The following SGCZ variants were observed in gnomAD, a reference collection of about 807,000 sequenced individuals.
SGCZ encodes sarcoglycan zeta.
SGCZ carries 40 observed loss-of-function variants against 41.3 expected under a neutral mutation model. That is an observed-to-expected ratio of 0.97 (90% CI 0.75 to 1.26). The LOEUF is 1.26. Among genes scored for constraint, SGCZ ranks in the 50% most tolerant of loss-of-function variants. SGCZ has a pLI of 0.00. For synonymous variants in SGCZ, 206 were observed against 137.5 expected (o/e 1.50, Z -3.49); for missense variants, 552 against 369.8 (o/e 1.49, Z -4.04).
chr8:15,208,435 T>G (rs1801137915), intron 1 of SGCZ, among the ~76,000 whole-genome samples: 1 of 152,228 alleles, frequency 6.6e-6, no homozygotes, highest in African/African-American at 2.4e-5. Context: ...TAGAGTGTTT[T>G]CCAGAAATGA....
chr8:14,740,679 A>G (rs1799176084), intron 1 of SGCZ, among the ~76,000 whole-genome samples: 1 of 152,024 alleles, frequency 6.6e-6, no homozygotes, highest in African/African-American at 2.4e-5. Context: ...TCGTCCTGGG[A>G]TTGCTGGAGT....
chr8:14,806,533 G>T (rs1199188971), intron 1 of SGCZ, among the ~76,000 whole-genome samples: 3 of 152,098 alleles, frequency 2.0e-5, no homozygotes. Flanking sequence ...TAAACCAGGA[G>T]GAAGTTGAAT....
At chr8:14,409,994 C>A (rs934391804) in intron 2 of SGCZ, among the ~76,000 whole-genome samples, 7 of 152,124 alleles carry the variant, frequency 4.6e-5, no homozygotes, top group African/African-American at 1.7e-4. Context: ...GGACCAGTAA[C>A]CCTCCATGGC....
At chr8:14,895,496 G>C (rs1002482666) in intron 1 of SGCZ, among the ~76,000 whole-genome samples, 1 of 152,022 alleles carries the variant, frequency 6.6e-6, no homozygotes, top group South Asian at 2.1e-4. Context: ...TCAAAGATGA[G>C]ATTAAAGCCT....
chr8:14,223,441 T>C (rs1806270443), intron 4 of SGCZ, among the ~76,000 whole-genome samples: 1 of 152,168 alleles, frequency 6.6e-6, no homozygotes, highest in African/African-American at 2.4e-5. Flanking sequence ...TTTCAATATA[T>C]ATTTTCAATG....
intron 1 of SGCZ, among the ~76,000 whole-genome samples, chr8:14,875,052 C>A (rs367705695): frequency 5.3e-5 from 8 of 152,224 alleles, no homozygotes; most frequent in South Asian, 2.1e-4. Flanking sequence ...ATTGCTATAA[C>A]AAATGGAGAC....
intron 1 of SGCZ, among the ~76,000 whole-genome samples, chr8:14,904,452 G>A (rs1193857387): frequency 6.6e-6 from 1 of 151,920 alleles, no homozygotes; most frequent in Non-Finnish European, 1.5e-5. Flanking sequence ...TAAACTAGAA[G>A]CATAATTTTA....
intron 1 of SGCZ, among the ~76,000 whole-genome samples, chr8:15,109,809 A>G (rs1806976493): frequency 6.6e-6 from 1 of 152,196 alleles, no homozygotes; most frequent in Non-Finnish European, 1.5e-5. Flanking sequence ...TACAGGTGAC[A>G]TTGCAGAAAT....
intron 7 of SGCZ, among the ~76,000 whole-genome samples, chr8:14,096,161 G>A (rs1200927923): frequency 6.6e-6 from 1 of 152,114 alleles, no homozygotes; most frequent in East Asian, 1.9e-4. Flanking sequence ...TGGGAAGAGA[G>A]GGCATCCTTG....
At chr8:14,375,547 A>C (rs1433176767) in intron 2 of SGCZ, among the ~76,000 whole-genome samples, 1 of 152,206 alleles carries the variant, frequency 6.6e-6, no homozygotes, top group Non-Finnish European at 1.5e-5. Context: ...ATTGCAATGT[A>C]ATAATATTTA....
At chr8:14,920,655 T>C (rs1799562651) in intron 1 of SGCZ, among the ~76,000 whole-genome samples, 2 of 152,088 alleles carry the variant, frequency 1.3e-5, no homozygotes, top group Admixed American at 6.6e-5. Flanking sequence ...ATAAACTAAA[T>C]AAGGAAGAAC....
chr8:14,194,710 A>T (rs919509623), intron 4 of SGCZ, among the ~76,000 whole-genome samples: 2 of 152,082 alleles, frequency 1.3e-5, no homozygotes, highest in Non-Finnish European at 2.9e-5. Context: ...GACATTGAAC[A>T]TCAGTAAATG....
chr8:14,512,022 A>G (rs1253395574), intron 2 of SGCZ, among the ~76,000 whole-genome samples: 1 of 152,212 alleles, frequency 6.6e-6, no homozygotes. Flanking sequence ...ACATAGGGCA[A>G]CATTCTTGGA....
At position 14,612,620 on chromosome 8, in the gene SGCZ, A is replaced by C. The variant is rs1344099667; in HGVS notation, c.40-57694T>G. Among the ~76,000 whole-genome samples the C allele has an allele frequency of 2.6e-5, 4 of 152,166 alleles. No individual in the cohort carries two copies. In the East Asian group the frequency reaches 7.7e-4, roughly 29 times the overall value. Reference sequence around the variant, plus strand: ...GAATTGAAAGAATTCAGATATTTTTATGAGGACAGGTTTCTGCTTCAAAGA... The same window carrying C: ...GAATTGAAAGAATTCAGATATTTTTCTGAGGACAGGTTTCTGCTTCAAAGA... On this transcript the variant is annotated intron_variant, in intron 1 of 7. Coordinates refer to ENST00000382080, the MANE Select transcript of SGCZ (RefSeq NM_139167.4).
At chr8:14,576,702 C>T (rs1186238448) in intron 1 of SGCZ, among the ~76,000 whole-genome samples, 1 of 152,142 alleles carries the variant, frequency 6.6e-6, no homozygotes, top group Non-Finnish European at 1.5e-5. Context: ...GAGAGAGCAA[C>T]AGGACACAAA....
chr8:15,038,076 G>T (rs1468328465), intron 1 of SGCZ, among the ~76,000 whole-genome samples: 1 of 132,280 alleles, frequency 7.6e-6, no homozygotes, highest in African/African-American at 2.7e-5. Context: ...AAATTTCAGT[G>T]ACGTTTTTAA....
chr8:14,909,739 A>T (rs1195052164), intron 1 of SGCZ, among the ~76,000 whole-genome samples: 3 of 152,106 alleles, frequency 2.0e-5, no homozygotes, highest in Non-Finnish European at 4.4e-5. Flanking sequence ...GGAGATGTTT[A>T]TTCAGCTATT....
At chr8:14,116,610 G>A (rs1802531249) in intron 5 of SGCZ, among the ~76,000 whole-genome samples, 1 of 152,062 alleles carries the variant, frequency 6.6e-6, no homozygotes, top group South Asian at 2.1e-4. Context: ...TTAATGCCCA[G>A]ATAAATTCTC....
intron 2 of SGCZ, among the ~76,000 whole-genome samples, chr8:14,461,702 T>C (rs773867834): frequency 2.2e-4 from 34 of 152,198 alleles, no homozygotes; most frequent in Non-Finnish European, 4.4e-5. Flanking sequence ...AGCAAGATAT[T>C]CAACGCAAAG....
Sources: gnomAD v4.1 joint callset for allele counts (sites outside exome capture counted in the v4.1 genomes callset) on GRCh38, gnomAD v4.1.1 for gene constraint, MANE v1.5 for transcripts, NCBI Gene and HGNC (gene_info 2026-07-23, HGNC 2026-07-21) for gene names.